Variants in COL22A1 observed in about 807,000 individuals in gnomAD.
The protein encoded by COL22A1 is collagen type XXII alpha 1 chain.
A neutral mutation model predicts 248.9 loss-of-function variants in COL22A1; 221 were observed. The ratio of observed to expected loss-of-function variants is 0.89; its 90% CI spans 0.80 to 0.99. The LOEUF (loss-of-function observed/expected upper bound fraction) is 0.99, where lower values mean the gene tolerates loss of function less well. COL22A1 is among the 50% of genes least tolerant of loss of function. The pLI is 0.00. For missense variants in COL22A1, 2,240 were observed against 2,179.0 expected (o/e 1.03, Z -0.56); for synonymous variants, 891 against 793.4 (o/e 1.12, Z -2.07).
chr8:138,700,186 G>A (rs1336657182), intron 31 of COL22A1, 42 bp from the exon 32 acceptor site: 2 of 1,600,474 alleles, frequency 1.2e-6, no homozygotes, highest in Admixed American at 1.7e-5. Flanking sequence ...GGGCATCAAG[G>A]AACCCAGTGT....
chr8:138,679,799 A>G (rs1037806285), intron 39 of COL22A1, 123 bp from the exon 40 acceptor site: 3 of 876,396 alleles, frequency 3.4e-6, no homozygotes, highest in Non-Finnish European at 5.7e-6. Flanking sequence ...TGTCCAGATT[A>G]GGGTCTGGCA....
At chr8:138,741,932 ATGG>A (rs1301196591) in intron 22 of COL22A1, among the ~76,000 whole-genome samples, 3 of 149,614 alleles carry the variant, frequency 2.0e-5, no homozygotes, top group Non-Finnish European at 4.5e-5. Context: ...GATGGTGATG[ATGG>A]TGGTGATGGT....
intron 1 of COL22A1, among the ~76,000 whole-genome samples, chr8:138,890,188 C>T (rs908727058): frequency 6.6e-6 from 1 of 152,078 alleles, no homozygotes; most frequent in Non-Finnish European, 1.5e-5. Context: ...ACCCAGCACC[C>T]TTTCATGATA....
In COL22A1 at chr8:138,613,933, C is replaced by G. The variant is rs7000261; in HGVS notation, c.3925-13G>C. On this transcript the variant is annotated splice_polypyrimidine_tract_variant and intron_variant, in intron 55 of 64. Coordinates refer to ENST00000303045, the MANE Select transcript of COL22A1 (RefSeq NM_152888.3). The stretch of plus-strand genomic sequence containing the variant: ...GTCCAGTGTCACCCTGGAACAAAGA[C>G]AGAGAGATGGTGTCATCATCAAGTC... 0.91 allele frequency: 1,461,890 copies of G among 1,597,888 alleles called. 670,969 individuals carry two copies. Among genetic ancestry groups the G allele is most frequent in the Middle Eastern group, 0.97 (5,764 of 5,972 alleles).
intron 50 of COL22A1, among the ~76,000 whole-genome samples, chr8:138,630,106 G>A (rs1292127114): frequency 6.6e-6 from 1 of 152,114 alleles, no homozygotes; most frequent in Non-Finnish European, 1.5e-5. Flanking sequence ...CTAAACTGTG[G>A]TTCACCCTTT....
At chr8:138,691,537 GTGTA>G (rs1468804717) in intron 35 of COL22A1, among the ~76,000 whole-genome samples, 1 of 36,492 alleles carries the variant, frequency 2.7e-5, no homozygotes, top group East Asian at 9.3e-4. Context: ...GTGTGTATGT[GTGTA>G]TGTCCGTGTG....
chr8:138,616,159 G>T, intron 54 of COL22A1, 105 bp from the exon 55 acceptor site: 3 of 943,872 alleles, frequency 3.2e-6, no homozygotes, highest in Non-Finnish European at 5.1e-6. Flanking sequence ...AGGCCCAGGG[G>T]CCCTGTCAAC....
At chr8:138,804,033 C>T (rs1817239224) in intron 10 of COL22A1, among the ~76,000 whole-genome samples, 2 of 152,282 alleles carry the variant, frequency 1.3e-5, no homozygotes, top group African/African-American at 4.8e-5. Flanking sequence ...CCTCTCAGCC[C>T]CTCAGCTCCT....
At chr8:138,893,315 A>T (rs1209138992) in intron 1 of COL22A1, among the ~76,000 whole-genome samples, 1 of 152,202 alleles carries the variant, frequency 6.6e-6, no homozygotes, top group African/African-American at 2.4e-5. Context: ...TCAAATTCCA[A>T]TTATGCTGCT....
chr8:138,660,843 C>T (rs112365843), intron 43 of COL22A1, among the ~76,000 whole-genome samples: 8 of 139,164 alleles, frequency 5.7e-5, no homozygotes, highest in Non-Finnish European at 3.1e-5. Context: ...CACACAGACA[C>T]ACACACACAT....
chr8:138,845,277 C>T (rs902001864), intron 3 of COL22A1, among the ~76,000 whole-genome samples: 1 of 151,308 alleles, frequency 6.6e-6, no homozygotes, highest in African/African-American at 2.4e-5. Context: ...GAGGCCAAGA[C>T]GGGGGGGGAT....
intron 4 of COL22A1, among the ~76,000 whole-genome samples, chr8:138,834,347 G>GAAAAAAA (rs71316365): frequency 7.8e-6 from 1 of 128,606 alleles, no homozygotes; most frequent in Non-Finnish European, 1.7e-5. Context: ...AAGAGAAAAA[G>GAAAAAAA]AAAAAAAAAA....
rs1453653749 is a variant in COL22A1, at chr8:138,664,207, GCGCACACACACA to G, written c.3151-479_3151-468del. ...TCCAACAAGGGGTGCGCGCGCGCGC[GCGCACACACACA>G]CACACACACACACACACACACACAC... On this transcript the variant is annotated intron_variant, in intron 41 of 64. Transcript: ENST00000303045. 3.6e-3 allele frequency among the ~76,000 whole-genome samples: 313 copies of G among 87,598 alleles called. 2 individuals carry two copies. Among genetic ancestry groups the G allele is most frequent in the Middle Eastern group, 6.1e-3 (1 of 164 alleles). The allele number at this position is 87,598 out of a possible 152,430, so 57.5% of individuals were successfully genotyped here.
At chr8:138,676,474 A>AAAGAAAGAAAGAAAGAAAGAAAG (rs1399514758) in intron 41 of COL22A1, 84 bp downstream of exon 41, 22 of 646,056 alleles carry the variant, frequency 3.4e-5, no homozygotes, top group South Asian at 1.8e-4. Context: ...AGAAAGAAAG[A>AAAGAAAGAAAGAAAGAAAGAAAG]AAAGAGTGTT....
intron 23 of COL22A1, among the ~76,000 whole-genome samples, chr8:138,731,440 G>C (rs563866221): frequency 1.3e-5 from 2 of 152,132 alleles, no homozygotes; most frequent in Non-Finnish European, 2.9e-5. Flanking sequence ...AAGGTGATAG[G>C]GGGAGGGATG....
chr8:138,783,144 G>A (rs1342715481), intron 12 of COL22A1, among the ~76,000 whole-genome samples: 1 of 152,104 alleles, frequency 6.6e-6, no homozygotes, highest in Non-Finnish European at 1.5e-5. Flanking sequence ...CATGGAAAGG[G>A]CAGGCTGAAC....
intron 41 of COL22A1, among the ~76,000 whole-genome samples, chr8:138,673,286 T>C (rs1016776654): frequency 6.6e-6 from 1 of 151,110 alleles, no homozygotes; most frequent in Non-Finnish European, 1.5e-5. Context: ...CTCAGCTCAC[T>C]GCAATCTCCA....
In COL22A1 at chr8:138,677,853, C is replaced by G. The variant is rs78835962; in HGVS notation, c.3073-1218G>C. Among the ~76,000 whole-genome samples the G allele has an allele frequency of 9.3e-3, 1,415 of 152,310 alleles. 20 individuals are homozygous for G. Among genetic ancestry groups the G allele is most frequent in the African/African-American group, 0.033 (1,357 of 41,576 alleles). On this transcript the variant is annotated intron_variant, in intron 40 of 64. Transcript: ENST00000303045. ...ACCACAGTCAAGCTTGAGGCCAAGACGGCAGGTGATCTTGCTCAAGCCACT... is the reference window on the plus strand; with the variant it reads ...ACCACAGTCAAGCTTGAGGCCAAGAGGGCAGGTGATCTTGCTCAAGCCACT...
intron 1 of COL22A1, among the ~76,000 whole-genome samples, chr8:138,894,801 T>C (rs573824810): frequency 6.6e-6 from 1 of 152,342 alleles, no homozygotes; most frequent in Admixed American, 6.5e-5. Flanking sequence ...ACAGTACTTC[T>C]GTATTTTCAG....
Sources: gnomAD v4.1 joint callset for allele counts (sites outside exome capture counted in the v4.1 genomes callset) on GRCh38, gnomAD v4.1.1 for gene constraint, MANE v1.5 for transcripts, NCBI Gene and HGNC (gene_info 2026-07-23, HGNC 2026-07-21) for gene names.